Variants in RAB38 observed in about 807,000 individuals in gnomAD.
RAB38 encodes the protein RAB38, member RAS oncogene family, also known as ras-related protein Rab-38.
A neutral mutation model predicts 18.4 loss-of-function variants in RAB38; 15 were observed. That is an observed-to-expected ratio of 0.82 (90% CI 0.55 to 1.26). The LOEUF is 1.26. Among genes scored for constraint, RAB38 ranks in the 50% most tolerant of loss-of-function variants. The pLI is 0.00. For synonymous variants in RAB38, 101 were observed against 104.4 expected, an observed-to-expected ratio of 0.97 and a Z score of 0.20; for missense variants, 294 against 267.4, an observed-to-expected ratio of 1.10 and a Z score of -0.69.
the RAB38 span, among the ~76,000 whole-genome samples, chr11:87,973,124 C>T: frequency 6.6e-6 from 1 of 151,830 alleles, no homozygotes; most frequent in African/African-American, 2.4e-5. Context: ...TATAAATTAC[C>T]CAGTCTCAGG....
At chr11:88,134,649 G>A (rs879673402) in intron 2 of RAB38, among the ~76,000 whole-genome samples, 4 of 152,184 alleles carry the variant, frequency 2.6e-5, no homozygotes, top group Admixed American at 6.5e-5. Flanking sequence ...TCCTGTGTCT[G>A]AAGAACATTC....
At chr11:88,015,050 G>A in the RAB38 span, among the ~76,000 whole-genome samples, 12 of 72,510 alleles carry the variant, frequency 1.7e-4, no homozygotes, top group Non-Finnish European at 2.7e-4. Context: ...CCAGTTGCCT[G>A]TATTTTTTTT....
the RAB38 span, among the ~76,000 whole-genome samples, chr11:87,893,662 T>C: frequency 6.6e-6 from 1 of 151,510 alleles, no homozygotes; most frequent in Non-Finnish European, 1.5e-5. Context: ...CACTAAAAAC[T>C]AATTTTTCCA....
the RAB38 span, among the ~76,000 whole-genome samples, chr11:87,875,014 T>A: frequency 6.6e-6 from 1 of 151,598 alleles, no homozygotes; most frequent in East Asian, 2.0e-4. Flanking sequence ...TATTTCAGCA[T>A]TATTCACAAT....
the RAB38 span, among the ~76,000 whole-genome samples, chr11:88,021,209 G>A: frequency 6.6e-6 from 1 of 152,084 alleles, no homozygotes; most frequent in Non-Finnish European, 1.5e-5. Flanking sequence ...GCCACACTAA[G>A]AAAGAGAGAA....
intron 1 of RAB38, among the ~76,000 whole-genome samples, chr11:88,158,449 C>A (rs1943151068): frequency 6.6e-6 from 1 of 151,946 alleles, no homozygotes; most frequent in Admixed American, 6.6e-5. Context: ...ACCCTGATAC[C>A]AAAATCTGAC....
At chr11:88,031,601 C>G in the RAB38 span, among the ~76,000 whole-genome samples, 2 of 151,598 alleles carry the variant, frequency 1.3e-5, no homozygotes, top group Non-Finnish European at 2.9e-5. Context: ...AAACAGAGAG[C>G]CAAATCATGA....
At chr11:87,873,854 G>A in the RAB38 span, among the ~76,000 whole-genome samples, 1 of 147,930 alleles carries the variant, frequency 6.8e-6, no homozygotes, top group Admixed American at 6.8e-5. Flanking sequence ...ATTTGCCAGT[G>A]TATAGGGGTG....
the RAB38 span, among the ~76,000 whole-genome samples, chr11:87,973,932 T>C: frequency 1.3e-5 from 2 of 151,922 alleles, no homozygotes; most frequent in African/African-American, 4.8e-5. Flanking sequence ...AAAATTAAAA[T>C]AGATCATCCA....
At chr11:87,974,137 A>G in the RAB38 span, among the ~76,000 whole-genome samples, 1 of 152,008 alleles carries the variant, frequency 6.6e-6, no homozygotes, top group Non-Finnish European at 1.5e-5. Flanking sequence ...TAATCAAGCA[A>G]AAGAAGTCAG....
chr11:88,020,408 T>A, the RAB38 span, among the ~76,000 whole-genome samples: 2 of 152,216 alleles, frequency 1.3e-5, no homozygotes, highest in Non-Finnish European at 2.9e-5. Context: ...GATATGATAA[T>A]TATACATTTA....
At chr11:87,965,532 A>G in the RAB38 span, among the ~76,000 whole-genome samples, 1 of 151,764 alleles carries the variant, frequency 6.6e-6, no homozygotes, top group African/African-American at 2.4e-5. Context: ...ACTCCGCTCA[A>G]CTCCTTCACT....
the RAB38 span, among the ~76,000 whole-genome samples, chr11:87,839,982 A>G: frequency 6.6e-6 from 1 of 152,204 alleles, no homozygotes; most frequent in Non-Finnish European, 1.5e-5. Context: ...AAAACAAAAG[A>G]ACAAGACTAG....
intron 1 of RAB38, 152 bp from the exon 2 acceptor site, chr11:88,150,107 A>T (rs1943046872): frequency 2.4e-6 from 2 of 831,754 alleles, no homozygotes; most frequent in Non-Finnish European, 3.7e-6. Context: ...ATATGCAATC[A>T]TGTAGCTTGT....
chr11:88,112,756 T>C (rs1318824484), downstream of RAB38, among the ~76,000 whole-genome samples: 1 of 150,704 alleles, frequency 6.6e-6, no homozygotes, highest in East Asian at 1.9e-4. Flanking sequence ...CCTGGTGACA[T>C]AGCAAGACTC....
the RAB38 span, among the ~76,000 whole-genome samples, chr11:87,840,992 A>T: frequency 6.6e-6 from 1 of 152,134 alleles, no homozygotes; most frequent in East Asian, 1.9e-4. Flanking sequence ...TCAAATCCAA[A>T]TTCCATCATT....
chr11:87,939,399 C>CACACACA, the RAB38 span, among the ~76,000 whole-genome samples: 1 of 151,646 alleles, frequency 6.6e-6, no homozygotes, highest in Non-Finnish European at 1.5e-5. Flanking sequence ...CACACACACA[C>CACACACA]ACACACACAC....
At chr11:87,976,519 T>G in the RAB38 span, among the ~76,000 whole-genome samples, 4 of 76 alleles carry the variant, frequency 0.053, no homozygotes, top group African/African-American at 0.087. Context: ...ATATTTATAT[T>G]TTATATATAT....
chr11:88,049,421 C>T, the RAB38 span, among the ~76,000 whole-genome samples: 2 of 151,736 alleles, frequency 1.3e-5, no homozygotes, highest in African/African-American at 4.8e-5. Flanking sequence ...CCACTGAGCA[C>T]CTTGTGACCC....
Sources: allele counts gnomAD v4.1 joint callset (sites outside exome capture counted in the v4.1 genomes callset), GRCh38; gene constraint gnomAD v4.1.1; transcripts MANE v1.5; gene names NCBI Gene and HGNC (gene_info 2026-07-23, HGNC 2026-07-21).